Variants in ZNF589 observed in about 807,000 individuals in gnomAD.
ZNF589 encodes the protein zinc finger protein 589.
A neutral mutation model predicts 13.6 loss-of-function variants in ZNF589; 17 were observed. That is an observed-to-expected ratio of 1.25 (90% CI 0.86 to 1.88). ZNF589 has a LOEUF of 1.88. ZNF589 is among the 40% of genes most tolerant of loss of function. The pLI, the probability that ZNF589 is intolerant of heterozygous loss-of-function variation, is 0.00. For missense variants in ZNF589, 407 were observed against 434.0 expected, an observed-to-expected ratio of 0.94 and a Z score of 0.55; for synonymous variants, 148 against 161.6, an observed-to-expected ratio of 0.92 and a Z score of 0.64.
At chr3:48,255,740 T>C (rs1163705198) in intron 2 of ZNF589, among the ~76,000 whole-genome samples, 4 of 151,546 alleles carry the variant, frequency 2.6e-5, no homozygotes, top group African/African-American at 9.7e-5. Flanking sequence ...CTGCCTGCCT[T>C]AGCCCCCCAA....
At chr3:48,244,528 T>A (rs573011441) in intron 1 of ZNF589, among the ~76,000 whole-genome samples, 1 of 152,226 alleles carries the variant, frequency 6.6e-6, no homozygotes, top group African/African-American at 2.4e-5. Flanking sequence ...GGGGCCAGGA[T>A]GATGGTTTTC....
chr3:48,255,102 T>C (rs1322658754), intron 2 of ZNF589, among the ~76,000 whole-genome samples: 1 of 152,140 alleles, frequency 6.6e-6, no homozygotes, highest in Non-Finnish European at 1.5e-5. Flanking sequence ...AGGATATTTG[T>C]TGTAGGTTTT....
chr3:48,241,180 C>T lies in ZNF589; in HGVS notation c.9C>T (p.Ala3=), dbSNP rs1575289651. 2 of 1,613,656 alleles carry T rather than the reference C, an allele frequency of 1.2e-6. No individual in the cohort carries two copies. The highest frequency in any genetic ancestry group is 1.7e-6 in the Non-Finnish European group (2 of 1,179,922). The change falls in exon 1 of 4, where the codon GCC becomes GCT. Residue 3 remains alanine, a synonymous_variant. Coordinates refer to ENST00000354698, the MANE Select transcript of ZNF589 (RefSeq NM_016089.3). MW[A]PREQLLGWTA... ...CGTGCGTGCGCGCGCAGATGTGGGC[C>T]CCGCGGGAGCAGCTACTGGGCTGGA...
At chr3:48,258,326 G>A (rs968927546) in intron 2 of ZNF589, among the ~76,000 whole-genome samples, 2 of 152,094 alleles carry the variant, frequency 1.3e-5, no homozygotes, top group African/African-American at 4.8e-5. Flanking sequence ...CCACATGGTC[G>A]TTGTTAATCT....
intron 2 of ZNF589, chr3:48,256,923 C>G (rs1007687215): frequency 2.9e-6 from 2 of 696,642 alleles, no homozygotes; most frequent in Non-Finnish European, 5.2e-6. Context: ...GACACCAGAG[C>G]CTCAAAGGCC....
intron 1 of ZNF589, among the ~76,000 whole-genome samples, chr3:48,243,603 G>T (rs540236906): frequency 1.3e-5 from 2 of 152,134 alleles, no homozygotes; most frequent in African/African-American, 4.8e-5. Flanking sequence ...CCTGAGGTCA[G>T]GAGTTCGAGA....
chr3:48,263,237 GT>G (rs1337027745), intron 3 of ZNF589, among the ~76,000 whole-genome samples: 1 of 151,962 alleles, frequency 6.6e-6, no homozygotes, highest in African/African-American at 2.4e-5. Flanking sequence ...AGCCTCCTGA[GT>G]AGCTGGGATT....
chr3:48,260,469 A>G (rs1194741173), intron 2 of ZNF589, among the ~76,000 whole-genome samples: 2 of 151,868 alleles, frequency 1.3e-5, no homozygotes, highest in Non-Finnish European at 2.9e-5. Context: ...AGTGCAATGG[A>G]GTGATCTTGG....
At chr3:48,242,120 T>A (rs1021157401) in intron 1 of ZNF589, among the ~76,000 whole-genome samples, 1 of 148,622 alleles carries the variant, frequency 6.7e-6, no homozygotes, top group Non-Finnish European at 1.5e-5. Flanking sequence ...CCCAAAAGAC[T>A]TTTTTTTTGG....
intron 1 of ZNF589, 97 bp downstream of exon 1, chr3:48,241,311 G>C (rs1559978338): frequency 6.7e-7 from 1 of 1,490,110 alleles, no homozygotes; most frequent in Non-Finnish European, 9.1e-7. Flanking sequence ...CGCGTGGGGT[G>C]CGAGCTGTGT....
rs761051778 is a variant in ZNF589 at position 48,267,978 on chromosome 3, T to TC, written c.289dup (p.Leu97ProfsTer5). The TC allele has an allele frequency of 6.2e-7, 1 of 1,613,910 alleles. No individual in the cohort carries two copies. Among genetic ancestry groups the TC allele is most frequent in the Non-Finnish European group, 8.5e-7 (1 of 1,180,038 alleles). ...CCTCTGGCCTTTGGCAGTCAGCAGT[T>TC]CCTCAGCCAAGATGAGCTACACAAT... is the stretch of plus-strand genomic sequence containing the variant. On this transcript the variant is annotated frameshift_variant, in exon 4 of 4. Transcript: ENST00000354698. LOFTEE classifies it low-confidence loss of function (END_TRUNC).
intron 2 of ZNF589, among the ~76,000 whole-genome samples, chr3:48,255,810 T>TG (rs1378746851): frequency 6.6e-6 from 1 of 152,044 alleles, no homozygotes; most frequent in Non-Finnish European, 1.5e-5. Context: ...CTTGCCATGT[T>TG]GCCCAGGCTG....
Position 48,270,921 on chromosome 3 carries a change from T to C in ZNF589, c.*2135T>C, listed in dbSNP as rs1186857417. On this transcript the variant is annotated 3_prime_UTR_variant, in exon 4 of 4. Transcript: ENST00000354698. The stretch of plus-strand genomic sequence containing the variant: ...ACCACCCTAATGTGTCTGGAATTGG[T>C]GGGTTCTTGGTCTTGCTGACTTCAA... 1 of 197,642 alleles carries C rather than the reference T, an allele frequency of 5.1e-6. No homozygotes were observed. Among genetic ancestry groups the C allele is most frequent in the South Asian group, 1.1e-4 (1 of 9,302 alleles). The allele number at this position is 197,642 out of a possible 1,614,324, so 12.2% of individuals were successfully genotyped here. A position where few individuals can be genotyped will look rare whatever the true frequency, so the allele number is the denominator to read the frequency against.
intron 1 of ZNF589, among the ~76,000 whole-genome samples, chr3:48,244,545 A>G (rs1195906496): frequency 6.6e-6 from 1 of 152,162 alleles, no homozygotes; most frequent in East Asian, 1.9e-4. Context: ...TTTCTAGGGC[A>G]TGCAAGAGGA....
In ZNF589 at chr3:48,268,895, A is replaced by G. The variant is rs995687734; in HGVS notation, c.*109A>G. The stretch of plus-strand genomic sequence containing the variant: ...TGGGCGAGGCTTTCGTGCTAAATCA[A>G]CTCTCCTCCTACACCAGTGGACACA... On this transcript the variant is annotated 3_prime_UTR_variant, in exon 4 of 4. Transcript: ENST00000354698. The G allele has an allele frequency of 2.4e-5, 34 of 1,431,466 alleles. No homozygotes were observed. The highest frequency in any genetic ancestry group is 3.1e-5 in the Non-Finnish European group (33 of 1,052,454). The allele number at this position is 1,431,466 out of a possible 1,614,324, so 88.7% of individuals were successfully genotyped here.
chr3:48,269,992 G>A lies in ZNF589; in HGVS notation c.*1206G>A. On this transcript the variant is annotated 3_prime_UTR_variant, in exon 4 of 4. Coordinates refer to ENST00000354698, the MANE Select transcript of ZNF589 (RefSeq NM_016089.3). The stretch of plus-strand genomic sequence containing the variant: ...TCTTTTGACCCCTTACATTCCTTTA[G>A]ATGTGAAGATGACAGAGATCTAACT... 1 of 456,878 alleles carries A rather than the reference G, an allele frequency of 2.2e-6. No homozygotes were observed. The highest frequency in any genetic ancestry group is 4.4e-6 in the Non-Finnish European group (1 of 226,874). The allele number at this position is 456,878 out of a possible 1,614,324, so 28.3% of individuals were successfully genotyped here. A position where few individuals can be genotyped will look rare whatever the true frequency, so the allele number is the denominator to read the frequency against.
At chr3:48,259,471 A>C (rs2106843171) in intron 2 of ZNF589, among the ~76,000 whole-genome samples, 1 of 152,300 alleles carries the variant, frequency 6.6e-6, no homozygotes, top group South Asian at 2.1e-4. Context: ...TAATTAGTTT[A>C]GCTTTAGAAC....
At chr3:48,265,617 T>G (rs905606996) in intron 3 of ZNF589, among the ~76,000 whole-genome samples, 2 of 152,054 alleles carry the variant, frequency 1.3e-5, no homozygotes, top group African/African-American at 4.8e-5. Context: ...TGTAGACCCA[T>G]GGATTCATTC....
intron 2 of ZNF589, among the ~76,000 whole-genome samples, chr3:48,260,503 G>A (rs1237021109): frequency 1.3e-5 from 2 of 152,130 alleles, no homozygotes; most frequent in Non-Finnish European, 2.9e-5. Flanking sequence ...CTGCCTCTCA[G>A]GTTCAAGTGA....
Sources: allele counts gnomAD v4.1 joint callset (sites outside exome capture counted in the v4.1 genomes callset), GRCh38; gene constraint gnomAD v4.1.1; transcripts MANE v1.5; gene names NCBI Gene and HGNC (gene_info 2026-07-23, HGNC 2026-07-21).